The following TRPC5 variants were observed in gnomAD, a reference collection of about 807,000 sequenced individuals.
TRPC5 encodes transient receptor potential cation channel subfamily C member 5.
Under a neutral mutation model 56.5 loss-of-function variants are expected in TRPC5, and 9 were observed. The observed-to-expected ratio is 0.16, with a 90% confidence interval of 0.10 to 0.28. The LOEUF is 0.28. Ranked by LOEUF, TRPC5 falls within the 10% of genes least tolerant of loss-of-function variation. The probability of loss-of-function intolerance (pLI) is 1.00; values close to 1 mark genes in which losing one functional copy is unlikely to be tolerated. For missense variants in TRPC5, 469 were observed against 748.9 expected (o/e 0.63, Z 4.36); for synonymous variants, 282 against 278.5 (o/e 1.01, Z -0.13).
intron 1 of TRPC5, among the ~76,000 whole-genome samples, chrX:112,049,764 A>G (rs1930166929): frequency 1.8e-5 from 2 of 111,698 alleles, no homozygotes; most frequent in African/African-American, 6.5e-5. Context: ...CATTCCAAAG[A>G]ATTTGAGGTG....
At chrX:111,825,154 T>C (rs780531934) in intron 7 of TRPC5, among the ~76,000 whole-genome samples, 3,651 of 21,007 alleles carry the variant, frequency 0.17, 402 homozygotes, top group African/African-American at 0.38. Context: ...TTCCTTTCTT[T>C]CTTTCTTTCT....
chrX:111,967,137 G>C (rs947155238), intron 1 of TRPC5, among the ~76,000 whole-genome samples: 7 of 111,731 alleles, frequency 6.3e-5, no homozygotes, highest in Admixed American at 2.8e-4. Flanking sequence ...AAAGTCTCAG[G>C]ATACAAAATC....
At chrX:112,052,836 C>G (rs747598753) in intron 1 of TRPC5, among the ~76,000 whole-genome samples, 55 of 111,633 alleles carry the variant, frequency 4.9e-4, no homozygotes, top group Admixed American at 1.4e-3. Flanking sequence ...ATATTGATAT[C>G]CACTTTTCTC....
At chrX:112,058,053 G>A (rs2035667112) in intron 1 of TRPC5, among the ~76,000 whole-genome samples, 1 of 111,783 alleles carries the variant, frequency 8.9e-6, no homozygotes, top group Non-Finnish European at 1.9e-5. Flanking sequence ...TGCTCTCTGT[G>A]TAGTGTCTTT....
At chrX:111,852,799 T>C (rs1223111223) in intron 4 of TRPC5, among the ~76,000 whole-genome samples, 12 of 112,044 alleles carry the variant, frequency 1.1e-4, no homozygotes, top group Non-Finnish European at 1.9e-4. Flanking sequence ...TATTATCCCA[T>C]AGTCCTTAGT....
chrX:111,883,768 G>A (rs983841467), intron 3 of TRPC5, among the ~76,000 whole-genome samples: 1 of 112,700 alleles, frequency 8.9e-6, no homozygotes, highest in Non-Finnish European at 1.9e-5. Flanking sequence ...TCTAGTCAGA[G>A]CCAGGTTAAG....
chrX:111,939,483 C>A (rs1325016863), intron 2 of TRPC5, among the ~76,000 whole-genome samples: 2 of 111,552 alleles, frequency 1.8e-5, no homozygotes, highest in Non-Finnish European at 3.8e-5. Flanking sequence ...AGTTCTTCTT[C>A]AAATGTTTGG....
chrX:111,883,309 A>G (rs1924319353), intron 3 of TRPC5, among the ~76,000 whole-genome samples: 1 of 112,091 alleles, frequency 8.9e-6, no homozygotes, highest in South Asian at 3.7e-4. Flanking sequence ...AGTCAGCCCA[A>G]CTGGGACCTA....
chrX:111,857,497 C>T (rs1034331837), intron 3 of TRPC5, among the ~76,000 whole-genome samples: 4 of 112,153 alleles, frequency 3.6e-5, no homozygotes, highest in Non-Finnish European at 5.6e-5. Flanking sequence ...GAAGTGCATG[C>T]CTTTTTAAGA....
At chrX:111,900,306 C>A (rs1323687136) in intron 3 of TRPC5, among the ~76,000 whole-genome samples, 1 of 111,390 alleles carries the variant, frequency 9.0e-6, no homozygotes, top group Non-Finnish European at 1.9e-5. Flanking sequence ...CTAGGAAAAG[C>A]CTGACTGGGA....
intron 2 of TRPC5, among the ~76,000 whole-genome samples, chrX:111,941,978 A>G (rs759763565): frequency 9.0e-6 from 1 of 111,705 alleles, no homozygotes; most frequent in Non-Finnish European, 1.9e-5. Flanking sequence ...TTTCCCCATG[A>G]TGAGAAGCCC....
At chrX:111,971,023 C>G (rs1408319419) in intron 1 of TRPC5, among the ~76,000 whole-genome samples, 3 of 111,041 alleles carry the variant, frequency 2.7e-5, no homozygotes, top group Admixed American at 9.5e-5. Context: ...CGTGATCCGC[C>G]CGCCTCGGCC....
intron 6 of TRPC5, among the ~76,000 whole-genome samples, chrX:111,838,090 T>C (rs73546179): frequency 0.081 from 8,642 of 106,601 alleles, 799 homozygotes; most frequent in African/African-American, 0.29. Flanking sequence ...TATGAGTAAA[T>C]AAATAAATAA....
At chrX:111,794,406 G>T (rs989847312) in intron 7 of TRPC5, among the ~76,000 whole-genome samples, 2 of 111,010 alleles carry the variant, frequency 1.8e-5, no homozygotes. Flanking sequence ...AATTTTCTTT[G>T]TCAAGATTGT....
chrX:111,772,148 A>AG lies in TRPC5; in HGVS notation c.*4164dup, dbSNP rs1196349327. Among the ~76,000 whole-genome samples the AG allele has an allele frequency of 9.0e-6, 1 of 111,641 alleles. No individual in the cohort carries two copies. Among genetic ancestry groups the AG allele is most frequent in the African/African-American group, 3.3e-5 (1 of 30,669 alleles). ...TGGTAACAATGTTTCTCTCTGCTGA[A>AG]GTAAAGCTCACATTCATTTGGGGTA... is the stretch of plus-strand genomic sequence containing the variant. On this transcript the variant is annotated 3_prime_UTR_variant, in exon 11 of 11. Coordinates refer to ENST00000262839, the MANE Select transcript of TRPC5 (RefSeq NM_012471.3).
chrX:111,896,715 G>T (rs1481146720), intron 3 of TRPC5, among the ~76,000 whole-genome samples: 10 of 111,548 alleles, frequency 9.0e-5, no homozygotes, highest in Non-Finnish European at 1.9e-4. Flanking sequence ...TGTCAGCTCT[G>T]GCCCTGAATA....
intron 1 of TRPC5, among the ~76,000 whole-genome samples, chrX:111,990,542 C>G (rs898510046): frequency 9.0e-6 from 1 of 111,599 alleles, no homozygotes; most frequent in Non-Finnish European, 1.9e-5. Flanking sequence ...AAATAGATCA[C>G]GTTAAAATGG....
At chrX:111,984,241 C>T (rs1460541404) in intron 1 of TRPC5, among the ~76,000 whole-genome samples, 2 of 111,668 alleles carry the variant, frequency 1.8e-5, no homozygotes, top group Non-Finnish European at 3.8e-5. Flanking sequence ...AAACAACCTC[C>T]GTATCTGCTA....
chrX:111,785,646 TAAGG>T (rs1945956502), intron 7 of TRPC5, among the ~76,000 whole-genome samples: 1 of 111,594 alleles, frequency 9.0e-6, no homozygotes, highest in African/African-American at 3.3e-5. Context: ...GAACCCATCA[TAAGG>T]AAGCTAAAAA....
Sources: allele counts gnomAD v4.1 joint callset (sites outside exome capture counted in the v4.1 genomes callset), GRCh38; gene constraint gnomAD v4.1.1; transcripts MANE v1.5; gene names NCBI Gene and HGNC (gene_info 2026-07-23, HGNC 2026-07-21).